Variants in MTHFD2L observed in about 807,000 individuals in gnomAD.
MTHFD2L encodes methylenetetrahydrofolate dehydrogenase (NADP+ dependent) 2 like.
Under a neutral mutation model 34.9 loss-of-function variants are expected in MTHFD2L, and 29 were observed. The ratio of observed to expected loss-of-function variants is 0.83; its 90% CI spans 0.62 to 1.13. MTHFD2L has a LOEUF of 1.13. Among genes scored for constraint, MTHFD2L ranks in the 50% most tolerant of loss-of-function variants. The pLI is 0.00. For synonymous variants in MTHFD2L, 167 were observed against 155.7 expected (o/e 1.07, Z -0.54); for missense variants, 481 against 446.5 (o/e 1.08, Z -0.70).
chr4:74,158,301 C>T lies in MTHFD2L; in HGVS notation c.143+20C>T, dbSNP rs1024292481. ...TGTGAGGTACGAGGGCTGCGGGCGCCGGGTGCGGAGCCGCTGGCGGTGGGA... is the reference window on the plus strand; with the variant it reads ...TGTGAGGTACGAGGGCTGCGGGCGCTGGGTGCGGAGCCGCTGGCGGTGGGA... On this transcript the variant is annotated intron_variant, in intron 1 of 7. Coordinates refer to ENST00000325278, the MANE Select transcript of MTHFD2L (RefSeq NM_001144978.3). The T allele has an allele frequency of 3.9e-6, 5 of 1,271,804 alleles. No homozygotes were observed. The East Asian group carries it at 1.3e-4, about 33-fold the overall frequency. 78.8% of individuals were successfully genotyped at this position (1,271,804 alleles called of 1,614,324 possible). A position where few individuals can be genotyped will look rare whatever the true frequency, so the allele number is the denominator to read the frequency against.
intron 6 of MTHFD2L, among the ~76,000 whole-genome samples, chr4:74,237,593 G>A (rs1741033451): frequency 6.6e-6 from 1 of 152,110 alleles, no homozygotes; most frequent in Non-Finnish European, 1.5e-5. Context: ...CTGCCTGGGT[G>A]ACAGAGACAG....
At chr4:74,123,198 A>G (rs777088883), upstream of MTHFD2L, 1 of 152,180 alleles carries the variant, frequency 6.6e-6, no homozygotes, top group South Asian at 2.1e-4. Context: ...TTCCAGTAAC[A>G]TAGTGCAAGG....
chr4:74,199,690 G>T, intron 3 of MTHFD2L, 104 bp from the exon 4 acceptor site: 1 of 964,974 alleles, frequency 1.0e-6, no homozygotes, highest in Non-Finnish European at 1.5e-6. Flanking sequence ...ACCTTTTTTA[G>T]AGCCGAATTA....
intron 5 of MTHFD2L, among the ~76,000 whole-genome samples, chr4:74,205,828 G>T (rs1403800045): frequency 6.6e-6 from 1 of 151,978 alleles, no homozygotes; most frequent in Non-Finnish European, 1.5e-5. Context: ...CTTGGTGGTG[G>T]TGATGGGGGA....
intron 6 of MTHFD2L, among the ~76,000 whole-genome samples, chr4:74,247,588 C>T (rs1315755707): frequency 9.9e-5 from 15 of 152,150 alleles, no homozygotes; most frequent in Non-Finnish European, 2.1e-4. Context: ...CCAGGTTTTG[C>T]CCATTCAGTA....
chr4:74,281,009 CCCTTCCTCCCTT>C (rs1460750903), intron 6 of MTHFD2L, among the ~76,000 whole-genome samples: 2 of 151,864 alleles, frequency 1.3e-5, no homozygotes, highest in Non-Finnish European at 2.9e-5. Flanking sequence ...CTTCCTCCCT[CCCTTCCTCCCTT>C]TTTTCTTTCC....
chr4:74,130,429 C>A (rs1722402532), intron 1 of MTHFD2L, among the ~76,000 whole-genome samples: 1 of 152,126 alleles, frequency 6.6e-6, no homozygotes, highest in Non-Finnish European at 1.5e-5. Context: ...AAGGCTGGTT[C>A]AAGATATGCA....
At chr4:74,142,495 A>G (rs1322584185) in intron 1 of MTHFD2L, among the ~76,000 whole-genome samples, 1 of 152,218 alleles carries the variant, frequency 6.6e-6, no homozygotes, top group African/African-American at 2.4e-5. Context: ...CCAAAGCCTA[A>G]CTACGCTGGC....
intron 1 of MTHFD2L, among the ~76,000 whole-genome samples, chr4:74,168,875 A>C (rs1223847107): frequency 6.6e-6 from 1 of 152,222 alleles, no homozygotes; most frequent in Non-Finnish European, 1.5e-5. Context: ...CTTTTCAAGA[A>C]TTTTCATGTT....
intron 5 of MTHFD2L, among the ~76,000 whole-genome samples, chr4:74,204,224 C>T (rs753908300): frequency 6.6e-5 from 10 of 151,708 alleles, no homozygotes; most frequent in Admixed American, 2.6e-4. Flanking sequence ...TGTAGGCCTC[C>T]GCTTTCCTCA....
intron 1 of MTHFD2L, among the ~76,000 whole-genome samples, chr4:74,128,965 ACTCTT>A (rs957151011): frequency 4.6e-5 from 7 of 150,888 alleles, no homozygotes; most frequent in African/African-American, 1.5e-4. Context: ...TTGTTCTGAG[ACTCTT>A]CTCTTCCTTT....
chr4:74,228,953 T>A (rs1739607351), intron 6 of MTHFD2L, among the ~76,000 whole-genome samples: 1 of 152,170 alleles, frequency 6.6e-6, no homozygotes, highest in Non-Finnish European at 1.5e-5. Context: ...TACACCATGC[T>A]AATACTAGTT....
upstream of MTHFD2L, among the ~76,000 whole-genome samples, chr4:74,123,578 T>C (rs1017454998): frequency 2.0e-5 from 3 of 152,156 alleles, no homozygotes; most frequent in African/African-American, 4.8e-5. Context: ...AAAATAACTT[T>C]TGTGGGCCTT....
chr4:74,144,151 GC>G (rs1027690500), intron 1 of MTHFD2L, among the ~76,000 whole-genome samples: 3 of 152,108 alleles, frequency 2.0e-5, no homozygotes, highest in African/African-American at 7.2e-5. Context: ...CTCTCTGGTT[GC>G]TTTTAAGAAT....
chr4:74,230,619 A>C (rs1365875878), intron 6 of MTHFD2L, among the ~76,000 whole-genome samples: 1 of 151,878 alleles, frequency 6.6e-6, no homozygotes, highest in African/African-American at 2.4e-5. Flanking sequence ...AAAAGAAAAA[A>C]AGAAATTATG....
intron 3 of MTHFD2L, among the ~76,000 whole-genome samples, chr4:74,190,890 A>G (rs2110020376): frequency 6.6e-6 from 1 of 152,178 alleles, no homozygotes; most frequent in South Asian, 2.1e-4. Context: ...TGCCTCACTT[A>G]TATATTCATT....
At chr4:74,224,656 C>G in intron 5 of MTHFD2L, among the ~76,000 whole-genome samples, 1 of 152,084 alleles carries the variant, frequency 6.6e-6, no homozygotes, top group East Asian at 1.9e-4. Context: ...TCCCTTAAGG[C>G]TTTCATATAA....
At chr4:74,155,198 C>T (rs886815887), upstream of MTHFD2L, among the ~76,000 whole-genome samples, 14 of 152,036 alleles carry the variant, frequency 9.2e-5, no homozygotes, top group African/African-American at 3.4e-4. Context: ...GCACCTTTTC[C>T]GCAGTCTTTC....
At chr4:74,245,909 G>C (rs1742369619) in intron 6 of MTHFD2L, among the ~76,000 whole-genome samples, 1 of 150,254 alleles carries the variant, frequency 6.7e-6, no homozygotes, top group Admixed American at 6.6e-5. Flanking sequence ...CCAAGTCTTT[G>C]CTATTGTGAA....
Sources: gnomAD v4.1 joint callset for allele counts (sites outside exome capture counted in the v4.1 genomes callset) on GRCh38, gnomAD v4.1.1 for gene constraint, MANE v1.5 for transcripts, NCBI Gene and HGNC (gene_info 2026-07-23, HGNC 2026-07-21) for gene names.